The following PCDHA4 variants were observed in gnomAD, a reference collection of about 807,000 sequenced individuals.
PCDHA4 encodes the protein protocadherin alpha-4.
Under a neutral mutation model 61.4 loss-of-function variants are expected in PCDHA4, and 49 were observed. That is an observed-to-expected ratio of 0.80 (90% CI 0.63 to 1.01). The LOEUF is 1.01. Ranked by LOEUF, PCDHA4 falls within the 50% of genes least tolerant of loss-of-function variation. PCDHA4 has a pLI of 0.00. For synonymous variants in PCDHA4, 590 were observed against 550.3 expected, an observed-to-expected ratio of 1.07 and a Z score of -1.01; for missense variants, 1,254 against 1,235.8, an observed-to-expected ratio of 1.01 and a Z score of -0.22.
intron 1 of PCDHA4, among the ~76,000 whole-genome samples, chr5:140,887,519 T>C (rs1460911624): frequency 1.3e-5 from 2 of 152,190 alleles, no homozygotes; most frequent in East Asian, 3.8e-4. Flanking sequence ...CTTTTTTATA[T>C]ATGAGTCTTC....
At chr5:140,965,973 G>A (rs1234636252) in intron 1 of PCDHA4, among the ~76,000 whole-genome samples, 6 of 152,194 alleles carry the variant, frequency 3.9e-5, no homozygotes, top group African/African-American at 1.4e-4. Flanking sequence ...TGCCCTAGGA[G>A]TTGAGCACTT....
chr5:140,958,015 C>A (rs573406509), intron 1 of PCDHA4, among the ~76,000 whole-genome samples: 1 of 151,796 alleles, frequency 6.6e-6, no homozygotes, highest in Non-Finnish European at 1.5e-5. Context: ...TTCTATCAGC[C>A]AAGTATACTA....
intron 1 of PCDHA4, chr5:140,869,034 T>C (rs1441426453): frequency 5.2e-6 from 8 of 1,527,468 alleles, no homozygotes. Flanking sequence ...ACGAGATTTT[T>C]AACCTGAAAC....
At chr5:140,843,056 A>C in intron 1 of PCDHA4, 1 of 1,594,198 alleles carries the variant, frequency 6.3e-7, no homozygotes, top group Non-Finnish European at 8.6e-7. Context: ...CGCAGCGAGC[A>C]AGCTGGTGCC....
chr5:140,975,207 G>A (rs2096658071), intron 1 of PCDHA4, among the ~76,000 whole-genome samples: 1 of 152,180 alleles, frequency 6.6e-6, no homozygotes. Flanking sequence ...CTTCATGGCT[G>A]GCACTGGAGA....
chr5:140,945,001 G>GT (rs2093723326), intron 1 of PCDHA4, among the ~76,000 whole-genome samples: 1 of 151,990 alleles, frequency 6.6e-6, no homozygotes, highest in South Asian at 2.1e-4. Context: ...ACGGTTGTGG[G>GT]TCATGAATTA....
chr5:140,930,768 C>G (rs1049798577), intron 1 of PCDHA4, among the ~76,000 whole-genome samples: 2 of 152,094 alleles, frequency 1.3e-5, no homozygotes, highest in South Asian at 2.1e-4. Context: ...ATTTTCTGTA[C>G]TTAATATTTT....
At chr5:140,870,737 G>A in intron 1 of PCDHA4, 1 of 1,613,478 alleles carries the variant, frequency 6.2e-7, no homozygotes, top group Non-Finnish European at 8.5e-7. Flanking sequence ...CCGCCTCTGA[G>A]CAGCAACGTG....
chr5:140,928,814 A>G, intron 1 of PCDHA4: 1 of 1,614,150 alleles, frequency 6.2e-7, no homozygotes, highest in East Asian at 2.2e-5. Context: ...GTTCGGGACC[A>G]TGGAGACCCA....
Position 140,838,081 on chromosome 5 carries a change from T to A in PCDHA4, c.2385+28509T>A, listed in dbSNP as rs1309951624. The stretch of plus-strand genomic sequence containing the variant: ...CACTTTAAGTTATATATATATAGTG[T>A]GTGTGTGTGTGTGTGTGTGTGTGTG... On this transcript the variant is annotated intron_variant, in intron 1 of 3. Coordinates refer to ENST00000530339, the MANE Select transcript of PCDHA4 (RefSeq NM_018907.4). Among the ~76,000 whole-genome samples, 2 of 13,360 alleles carry A rather than the reference T, an allele frequency of 1.5e-4. 1 individual carries two copies. Among genetic ancestry groups the A allele is most frequent in the South Asian group, 5.1e-3 (2 of 390 alleles). 8.8% of individuals were successfully genotyped at this position (13,360 alleles called of 152,430 possible).
At chr5:140,984,859 A>G (rs1368341114) in intron 3 of PCDHA4, among the ~76,000 whole-genome samples, 1 of 152,046 alleles carries the variant, frequency 6.6e-6, no homozygotes, top group Non-Finnish European at 1.5e-5. Flanking sequence ...TAATAATAAC[A>G]CCTATTTTAT....
intron 1 of PCDHA4, among the ~76,000 whole-genome samples, chr5:140,904,631 G>A (rs150616068): frequency 0.029 from 4,338 of 152,074 alleles, 82 homozygotes; most frequent in Non-Finnish European, 0.044. Flanking sequence ...GTTCTTTAAG[G>A]AATCTCCACA....
intron 1 of PCDHA4, among the ~76,000 whole-genome samples, chr5:140,935,795 C>T (rs1366379710): frequency 2.0e-5 from 3 of 151,764 alleles, no homozygotes; most frequent in Admixed American, 6.6e-5. Flanking sequence ...AAAATATAAA[C>T]GAGATTATTT....
intron 1 of PCDHA4, chr5:140,966,932 G>A: frequency 6.2e-7 from 1 of 1,603,726 alleles, no homozygotes; most frequent in Non-Finnish European, 8.5e-7. Flanking sequence ...GGCACCCGGC[G>A]CGCTCGTGGG....
At chr5:140,832,649 A>C (rs2150203199) in intron 1 of PCDHA4, among the ~76,000 whole-genome samples, 147 of 152,206 alleles carry the variant, frequency 9.7e-4, no homozygotes, top group Non-Finnish European at 2.0e-3. Flanking sequence ...GGTCTTTAAG[A>C]GTATCACACT....
At chr5:140,946,165 G>A (rs1554217364) in intron 1 of PCDHA4, among the ~76,000 whole-genome samples, 5 of 151,838 alleles carry the variant, frequency 3.3e-5, no homozygotes, top group African/African-American at 1.2e-4. Flanking sequence ...TTAAAAGATG[G>A]GTAAAGGATG....
At chr5:141,003,761 C>T (rs1371194132) in intron 3 of PCDHA4, among the ~76,000 whole-genome samples, 3 of 152,160 alleles carry the variant, frequency 2.0e-5, no homozygotes, top group Admixed American at 1.3e-4. Flanking sequence ...TAATTATGGT[C>T]GTATTCTGTT....
At chr5:140,830,447 G>GCGGAGAAT in intron 1 of PCDHA4, 1 of 1,601,744 alleles carries the variant, frequency 6.2e-7, no homozygotes, top group Middle Eastern at 1.7e-4. Flanking sequence ...GATGGGTAAG[G>GCGGAGAAT]CGGAGAATCA....
At position 140,808,704 on chromosome 5, in the gene PCDHA4, G is replaced by A. The variant is rs115774628; in HGVS notation, c.1517G>A (p.Ser506Asn). The change falls in exon 1 of 4, where the codon AGC becomes AAC. Residue 506 changes from serine (S) to asparagine (N), a missense_variant. Coordinates refer to ENST00000530339, the MANE Select transcript of PCDHA4 (RefSeq NM_018907.4). ...CGGGTAGGGGAGCGCGCGCTGTCGA[G>A]CTACGTTTCGGTGCATGCGGAGAGC... ...ERRVGERALS[S>N]YVSVHAESGK... 1.5e-3 allele frequency: 2,450 copies of A among 1,612,186 alleles called. 38 individuals are homozygous for A. In the African/African-American group the frequency reaches 0.029, roughly 19 times the overall value.
Sources: gnomAD v4.1 joint callset for allele counts (sites outside exome capture counted in the v4.1 genomes callset) on GRCh38, gnomAD v4.1.1 for gene constraint, MANE v1.5 for transcripts, NCBI Gene and HGNC (gene_info 2026-07-23, HGNC 2026-07-21) for gene names.